Variants in RBFOX1 observed in about 807,000 individuals in gnomAD.
The protein encoded by RBFOX1 is RNA binding protein fox-1 homolog 1.
RBFOX1 carries 8 observed loss-of-function variants against 57.7 expected under a neutral mutation model. The ratio of observed to expected loss-of-function variants is 0.14; its 90% CI spans 0.08 to 0.25. The LOEUF (loss-of-function observed/expected upper bound fraction) is 0.25, where lower values mean the gene tolerates loss of function less well. RBFOX1 is among the 10% of genes least tolerant of loss of function. The pLI, the probability that RBFOX1 is intolerant of heterozygous loss-of-function variation, is 1.00. For missense variants in RBFOX1, 611 were observed against 548.5 expected (o/e 1.11, Z -1.14); for synonymous variants, 326 against 222.4 (o/e 1.47, Z -4.15).
At chr16:6,016,248 T>C (rs1160363571), upstream of RBFOX1, among the ~76,000 whole-genome samples, 3 of 152,156 alleles carry the variant, frequency 2.0e-5, no homozygotes, top group Non-Finnish European at 4.4e-5. Context: ...AAGAACACCT[T>C]ATCTGTGCCT....
chr16:5,949,873 G>A (rs2059485538), intron 4 of RBFOX1, among the ~76,000 whole-genome samples: 1 of 152,178 alleles, frequency 6.6e-6, no homozygotes, highest in Non-Finnish European at 1.5e-5. Context: ...TCTGAGACAA[G>A]CTCAAGCTAG....
At chr16:7,222,574 C>G (rs1603348319) in intron 4 of RBFOX1, among the ~76,000 whole-genome samples, 1 of 152,208 alleles carries the variant, frequency 6.6e-6, no homozygotes, top group Non-Finnish European at 1.5e-5. Context: ...TGTCTGGGCA[C>G]TGGCTGTTGT....
In RBFOX1 at chr16:6,171,812, T is replaced by TTTTATTTATTTATTTATTTATTTATTTA. The variant is rs370403385; in HGVS notation, c.-126-145161_-126-145160insTATTTATTTATTTATTTATTTATTTATT. The stretch of plus-strand genomic sequence containing the variant: ...CTTGGCTGTTTTTATCTTATTTTTA[T>TTTTATTTATTTATTTATTTATTTATTTA]TTTATTTATTTATTTATTTATTCTT... On this transcript the variant is annotated intron_variant, in intron 1 of 15. Transcript: ENST00000550418. Among the ~76,000 whole-genome samples, 59 of 151,530 alleles carry TTTTATTTATTTATTTATTTATTTATTTA rather than the reference T, an allele frequency of 3.9e-4. No homozygotes were observed. In the East Asian group the frequency reaches 4.5e-3, roughly 11 times the overall value.
intron 3 of RBFOX1, among the ~76,000 whole-genome samples, chr16:6,963,108 C>T (rs1275078589): frequency 1.3e-5 from 2 of 152,076 alleles, no homozygotes; most frequent in Non-Finnish European, 2.9e-5. Context: ...TGAGGAAGTC[C>T]GAGATTCACC....
Position 6,754,810 on chromosome 16 carries a change from C to T in RBFOX1, c.-16+100160C>T, listed in dbSNP as rs1284214761. 2.6e-5 allele frequency among the ~76,000 whole-genome samples: 4 copies of T among 152,116 alleles called. No homozygotes were observed. In the South Asian group the frequency reaches 8.3e-4, roughly 32 times the overall value. ...TGCTGGTGTGCTCCACCCATTAACT[C>T]GTCATTTAGCATTAGGTATATCTCC... On this transcript the variant is annotated intron_variant, in intron 3 of 15. Transcript: ENST00000550418.
chr16:5,984,094 C>CCCCCTCCCCCTCCTCCTCCTCTCCTT (rs2060232965), intron 4 of RBFOX1, among the ~76,000 whole-genome samples: 4 of 26,540 alleles, frequency 1.5e-4, no homozygotes, highest in Non-Finnish European at 2.9e-4. Context: ...CCTCCTCCCT[C>CCCCCTCCCCCTCCTCCTCCTCTCCTT]CCACTCCCCC....
At chr16:6,574,516 C>T (rs1309631987) in intron 2 of RBFOX1, among the ~76,000 whole-genome samples, 2 of 148,588 alleles carry the variant, frequency 1.3e-5, no homozygotes, top group African/African-American at 2.5e-5. Flanking sequence ...GCAAGCTCCG[C>T]TTCCAGGGTT....
intron 3 of RBFOX1, among the ~76,000 whole-genome samples, chr16:5,694,381 C>G (rs185939352): frequency 1.3e-5 from 2 of 152,304 alleles, no homozygotes; most frequent in African/African-American, 2.4e-5. Flanking sequence ...CTTCCGTCTA[C>G]TTAGTGGGGC....
intron 4 of RBFOX1, among the ~76,000 whole-genome samples, chr16:7,096,268 G>A (rs1478705): frequency 0.7 from 105,696 of 151,962 alleles, 37,132 homozygotes; most frequent in African/African-American, 0.78. Flanking sequence ...ACTCAAAGGG[G>A]ATATGTAGGC....
intron 1 of RBFOX1, among the ~76,000 whole-genome samples, chr16:5,299,628 T>C (rs2063755972): frequency 6.6e-6 from 1 of 152,236 alleles, no homozygotes. Context: ...ATTTCAGTCA[T>C]TGATTTTTAT....
chr16:7,033,204 C>T (rs746872041), intron 3 of RBFOX1, among the ~76,000 whole-genome samples: 1 of 152,028 alleles, frequency 6.6e-6, no homozygotes, highest in Non-Finnish European at 1.5e-5. Context: ...GGAGACCACC[C>T]GTGCCTTACC....
chr16:6,911,591 T>G (rs561104416), intron 3 of RBFOX1, among the ~76,000 whole-genome samples: 2 of 152,310 alleles, frequency 1.3e-5, no homozygotes, highest in East Asian at 3.9e-4. Context: ...TTTTGTTACC[T>G]CTGTAAAGAC....
chr16:5,989,880 A>ACATACACACACACACACACACC (rs33912010), intron 4 of RBFOX1, among the ~76,000 whole-genome samples: 1 of 127,210 alleles, frequency 7.9e-6, no homozygotes, highest in Non-Finnish European at 1.7e-5. Flanking sequence ...ACACACACAC[A>ACATACACACACACACACACACC]CCACCCCTGT....
At chr16:7,192,188 C>T (rs1327574307) in intron 4 of RBFOX1, among the ~76,000 whole-genome samples, 1 of 152,194 alleles carries the variant, frequency 6.6e-6, no homozygotes, top group East Asian at 1.9e-4. Context: ...GTTCTGATGC[C>T]AGATTTCTCA....
At chr16:6,477,863 TC>T (rs2095298470) in intron 2 of RBFOX1, among the ~76,000 whole-genome samples, 1 of 152,202 alleles carries the variant, frequency 6.6e-6, no homozygotes, top group Non-Finnish European at 1.5e-5. Context: ...AGCTTCTCCA[TC>T]AGCACTTGCC....
At chr16:5,735,178 G>T (rs1362700238) in intron 3 of RBFOX1, among the ~76,000 whole-genome samples, 2 of 152,102 alleles carry the variant, frequency 1.3e-5, no homozygotes, top group African/African-American at 4.8e-5. Flanking sequence ...GAAATATGAT[G>T]GAACCACCTT....
intron 4 of RBFOX1, among the ~76,000 whole-genome samples, chr16:7,427,104 G>C (rs375002219): frequency 6.6e-6 from 1 of 152,096 alleles, no homozygotes; most frequent in East Asian, 1.9e-4. Context: ...TCGTGTGACC[G>C]GGGCCTGTCA....
chr16:7,450,280 G>A (rs553826085), intron 4 of RBFOX1, among the ~76,000 whole-genome samples: 2 of 150,210 alleles, frequency 1.3e-5, no homozygotes, highest in Middle Eastern at 3.4e-3. Context: ...TGTAATCCCA[G>A]CTACTTGGGA....
At chr16:6,243,200 T>G (rs1343164818) in intron 1 of RBFOX1, among the ~76,000 whole-genome samples, 12 of 152,144 alleles carry the variant, frequency 7.9e-5, no homozygotes, top group Middle Eastern at 3.4e-3. Flanking sequence ...GAAAGCTTTT[T>G]CATTTGAAAA....
Sources: gnomAD v4.1 joint callset for allele counts (sites outside exome capture counted in the v4.1 genomes callset) on GRCh38, gnomAD v4.1.1 for gene constraint, MANE v1.5 for transcripts, NCBI Gene and HGNC (gene_info 2026-07-23, HGNC 2026-07-21) for gene names.